POLR3A: variants seen among roughly 807,000 people sequenced by gnomAD.
The protein encoded by POLR3A is DNA-directed RNA polymerase III subunit RPC1.
POLR3A carries 112 observed loss-of-function variants against 152.8 expected under a neutral mutation model. The ratio of observed to expected loss-of-function variants is 0.73; its 90% confidence interval spans 0.63 to 0.86. The LOEUF (loss-of-function observed/expected upper bound fraction) is 0.86. Ranked by LOEUF, POLR3A falls within the 40% of genes least tolerant of loss-of-function variation. POLR3A has a pLI of 0.00. For missense variants in POLR3A, 1,385 were observed against 1,743.1 expected (o/e 0.79, Z 3.66); for synonymous variants, 615 against 652.1 (o/e 0.94, Z 0.87).
intron 21 of POLR3A, among the ~76,000 whole-genome samples, chr10:77,989,683 G>A (rs1171749045): frequency 6.6e-6 from 1 of 152,208 alleles, no homozygotes; most frequent in Non-Finnish European, 1.5e-5. Flanking sequence ...AAATGCTGGG[G>A]TGCTGCTGGA....
At chr10:78,016,048 C>T (rs974026912) in intron 10 of POLR3A, among the ~76,000 whole-genome samples, 1 of 152,102 alleles carries the variant, frequency 6.6e-6, no homozygotes, top group Non-Finnish European at 1.5e-5. Flanking sequence ...ACACTGTTTG[C>T]AAAGGCTCAT....
In POLR3A at chr10:77,989,634, C is replaced by T. The variant is rs1275922864; in HGVS notation, c.2901+1420G>A. Among the ~76,000 whole-genome samples the T allele has an allele frequency of 2.6e-5, 4 of 152,298 alleles. No individual in the cohort carries two copies. The South Asian group carries it at 8.3e-4, about 32-fold the overall frequency. ...CCAGTCCAAAGCAAAGCAGTGTTTG[C>T]CAGAACCGGGACAGAAACCTGCTCT... On this transcript the variant is annotated intron_variant, in intron 21 of 30. Coordinates refer to ENST00000372371, the MANE Select transcript of POLR3A (RefSeq NM_007055.4).
rs536457534 is a variant in POLR3A at position 77,982,641 on chromosome 10, C to A, written c.3594+12G>T. On this transcript the variant is annotated intron_variant, in intron 27 of 30. Coordinates refer to ENST00000372371, the MANE Select transcript of POLR3A (RefSeq NM_007055.4). ...GATGCTGGGTCTCCATGAGAAGCGA[C>A]TTCTGTTTCACCTTGGGGAGATCCT... The A allele has an allele frequency of 6.2e-7, 1 of 1,612,016 alleles. No homozygotes were observed.
chr10:78,019,201 C>T lies in POLR3A; in HGVS notation c.1250G>A (p.Gly417Glu). ...ATGTCTCTGCTGAATGAAGTTTGCT[C>T]CTGGGTGAACCTCAGGGCCGTTTTG... Reference protein sequence around the residue: ...LVQNGPEVHPGANFIQQRHTQ... With the variant: ...LVQNGPEVHPEANFIQQRHTQ... Residue 417 changes from glycine to glutamate, a missense_variant, in exon 9 of 31, where the codon GGA becomes GAA. Physicochemically the swap from Gly to Glu is moderately conservative, Grantham distance 98 (BLOSUM62 -2). Transcript: ENST00000372371. 1 of 1,614,016 alleles carries T rather than the reference C, an allele frequency of 6.2e-7. No homozygotes were observed. Among genetic ancestry groups the T allele is most frequent in the Non-Finnish European group, 8.5e-7 (1 of 1,179,954 alleles).
At chr10:78,010,287 C>T (rs974356216) in intron 12 of POLR3A, among the ~76,000 whole-genome samples, 184 bp downstream of exon 12, 1 of 147,448 alleles carries the variant, frequency 6.8e-6, no homozygotes, top group Admixed American at 6.7e-5. Context: ...GAATAACCAA[C>T]CAATTAAAAA....
rs747321858 is a variant in POLR3A, at chr10:78,022,235, G to A, written c.795C>T (p.Ser265=). The part of the protein sequence containing the change: ...LLVPPLCIRP[S]VVSDLKSGTN... ...TGCCAGACTTCAAATCACTCACAAC[G>A]GAGGGTCTGATACACAAAGGAGGCA... Residue 265 remains serine, a synonymous_variant, in exon 6 of 31, where the codon TCC becomes TCT. Transcript: ENST00000372371. 9.3e-6 allele frequency: 15 copies of A among 1,614,066 alleles called. No individual in the cohort carries two copies. Among genetic ancestry groups the A allele is most frequent in the Admixed American group, 3.3e-5 (2 of 60,000 alleles).
At chr10:77,999,187 A>G (rs1412362237) in intron 19 of POLR3A, among the ~76,000 whole-genome samples, 3 of 152,192 alleles carry the variant, frequency 2.0e-5, no homozygotes, top group East Asian at 3.8e-4. Flanking sequence ...GCATTAGGAG[A>G]TATACCTAAT....
chr10:78,025,360 T>C (rs1847622553), intron 3 of POLR3A, among the ~76,000 whole-genome samples: 1 of 152,226 alleles, frequency 6.6e-6, no homozygotes, highest in Non-Finnish European at 1.5e-5. Flanking sequence ...TTTATCTTTT[T>C]CTTTGTGCTA....
At position 77,985,123 on chromosome 10, in the gene POLR3A, A is replaced by G. The variant is rs371861760; in HGVS notation, c.3242+47T>C. The G allele has an allele frequency of 1.9e-5, 29 of 1,495,364 alleles. No homozygotes were observed. In the African/African-American group the frequency reaches 2.8e-4, roughly 14 times the overall value. The allele number at this position is 1,495,364 out of a possible 1,614,324, so 92.6% of individuals were successfully genotyped here. A position where few individuals can be genotyped will look rare whatever the true frequency, so the allele number is the denominator to read the frequency against. On this transcript the variant is annotated intron_variant, in intron 24 of 30. Transcript: ENST00000372371. ...GACACGGGGATCATTGTTTCTCAGG[A>G]AACAGGACAGGCATGTGTGGAACAA...
intron 17 of POLR3A, among the ~76,000 whole-genome samples, 183 bp downstream of exon 17, chr10:78,002,014 A>T (rs1489752715): frequency 1.3e-5 from 2 of 152,182 alleles, no homozygotes; most frequent in African/African-American, 4.8e-5. Context: ...ACACATTACC[A>T]ACAAGTTCCT....
Position 78,029,404 on chromosome 10 carries a change from C to T in POLR3A, c.4G>A (p.Val2Met). M[V>M]KEQFRETDVA... ...TCCGTCTCCCGGAACTGCTCCTTCA[C>T]CATGATGACCGCTGCCGGGACGCCT... is the stretch of plus-strand genomic sequence containing the variant. Residue 2 changes from valine to methionine, a missense_variant, in exon 1 of 31, where the codon GTG becomes ATG. Coordinates refer to ENST00000372371, the MANE Select transcript of POLR3A (RefSeq NM_007055.4). 6.2e-7 allele frequency: 1 copy of T among 1,614,122 alleles called. No individual in the cohort carries two copies. The highest frequency in any genetic ancestry group is 1.3e-5 in the African/African-American group (1 of 75,036).
Position 77,983,943 on chromosome 10 carries a change from G to C in POLR3A, c.3406C>G (p.Arg1136Gly), listed in dbSNP as rs766029466. 6.2e-7 allele frequency: 1 copy of C among 1,610,138 alleles called. No homozygotes were observed. The change falls in exon 26 of 31, where the codon CGG becomes GGG. Residue 1136 changes from arginine (R) to glycine (G), a missense_variant. Arg to Gly is a moderately radical substitution (Grantham distance 125, BLOSUM62 -2). Coordinates refer to ENST00000372371, the MANE Select transcript of POLR3A (RefSeq NM_007055.4). ...ACTTCCAGTCTCAGAAGCCTAATCC[G>C]TTCCAGGGAGAGCTTGACGAGAATA... ...CFILVKLSLE[R>G]IRLLRLEVNA... is the part of the protein sequence containing the mutation.
intron 16 of POLR3A, among the ~76,000 whole-genome samples, chr10:78,002,748 G>T (rs1331505360): frequency 6.6e-6 from 1 of 152,132 alleles, no homozygotes; most frequent in Non-Finnish European, 1.5e-5. Flanking sequence ...ATACTGCCCA[G>T]GTTGGACTTG....
At chr10:77,986,481 G>A (rs1034075641) in intron 21 of POLR3A, among the ~76,000 whole-genome samples, 8 of 152,138 alleles carry the variant, frequency 5.3e-5, no homozygotes, top group Non-Finnish European at 1.2e-4. Context: ...CACGTGCCAC[G>A]AGGGCTATAA....
chr10:77,986,142 A>T lies in POLR3A; in HGVS notation c.2919T>A (p.Ile973=), dbSNP rs746974246. ...DSFLQEIKKF[I]KGVSEKIKKT... ...TCTTGATCTTCTCAGAGACCCCCTTAATGAATTTTTTTATTTCCTGAAAGA... is the reference window on the plus strand; with the variant it reads ...TCTTGATCTTCTCAGAGACCCCCTTTATGAATTTTTTTATTTCCTGAAAGA... The change falls in exon 22 of 31, where the codon ATT becomes ATA. Residue 973 remains isoleucine (I), a synonymous_variant. Transcript: ENST00000372371. The T allele has an allele frequency of 5.1e-6, 8 of 1,563,200 alleles. No homozygotes were observed. The African/African-American group carries it at 9.5e-5, about 19-fold the overall frequency.
chr10:78,019,828 A>G (rs1304833038), intron 8 of POLR3A: 2 of 154,794 alleles, frequency 1.3e-5, no homozygotes, highest in African/African-American at 2.4e-5. Flanking sequence ...AAGCTAATCA[A>G]TATTCTCGTT....
chr10:77,982,748 C>G lies in POLR3A; in HGVS notation c.3499G>C (p.Val1167Leu), dbSNP rs372587661. Reference sequence around the variant, plus strand: ...ACACACACCACAGCCTCACCATGAACAGCCACATCACCGGGCTTCACACGG... The same window carrying G: ...ACACACACCACAGCCTCACCATGAAGAGCCACATCACCGGGCTTCACACGG... The part of the protein sequence containing the change: ...KLRVKPGDVA[V>L]HGEAVVCVTP... Residue 1167 changes from valine (V) to leucine (L), a missense_variant, in exon 27 of 31, where the codon GTT becomes CTT. Coordinates refer to ENST00000372371, the MANE Select transcript of POLR3A (RefSeq NM_007055.4). 77 of 1,613,788 alleles carry G rather than the reference C, an allele frequency of 4.8e-5. No homozygotes were observed. The Middle Eastern group carries it at 1.5e-3, about 31-fold the overall frequency.
rs186640481 is a variant in POLR3A at position 78,022,143 on chromosome 10, A to G, written c.885+2T>C. 13 of 1,614,040 alleles carry G rather than the reference A, an allele frequency of 8.1e-6. No homozygotes were observed. Among genetic ancestry groups the G allele is most frequent in the African/African-American group, 1.3e-5 (1 of 74,926 alleles). On this transcript the variant is annotated splice_donor_variant, in intron 6 of 30. Transcript: ENST00000372371. LOFTEE classifies it high-confidence loss of function. ...ACTTACAAGGAAATGGGAGGCACTG[A>G]CCTTTTTAATAACATCGTTTAGGAA...
chr10:77,994,768 C>G (rs1847282899), intron 19 of POLR3A, among the ~76,000 whole-genome samples: 1 of 152,198 alleles, frequency 6.6e-6, no homozygotes, highest in Non-Finnish European at 1.5e-5. Context: ...CTTCCCCAAT[C>G]TAGCAAGGTG....
Sources: gnomAD v4.1 joint callset for allele counts (sites outside exome capture counted in the v4.1 genomes callset) on GRCh38, gnomAD v4.1.1 for gene constraint, MANE v1.5 for transcripts, NCBI Gene and HGNC (gene_info 2026-07-23, HGNC 2026-07-21) for gene names.